NEK10: variants seen among roughly 807,000 people sequenced by gnomAD.
The protein encoded by NEK10 is NIMA related kinase 10.
A neutral mutation model predicts 159.8 loss-of-function variants in NEK10; 122 were observed. The observed-to-expected ratio is 0.76, with a 90% CI of 0.66 to 0.89. The LOEUF (loss-of-function observed/expected upper bound fraction) is 0.89, where lower values mean the gene tolerates loss of function less well. Among genes scored for constraint, NEK10 ranks in the 40% least tolerant of loss-of-function variants. The probability of loss-of-function intolerance (pLI) is 0.00; values close to 1 mark genes in which losing one functional copy is unlikely to be tolerated. For missense variants in NEK10, 1,342 were observed against 1,323.1 expected, an observed-to-expected ratio of 1.01 and a Z score of -0.22; for synonymous variants, 466 against 457.1, an observed-to-expected ratio of 1.02 and a Z score of -0.25.
chr3:27,356,250 C>A (rs1298759777), intron 1 of NEK10, among the ~76,000 whole-genome samples: 1 of 152,178 alleles, frequency 6.6e-6, no homozygotes, highest in South Asian at 2.1e-4. Flanking sequence ...AAGGCTCATA[C>A]CTGTATTCCT....
At chr3:27,155,253 C>T (rs1189894452) in intron 30 of NEK10, among the ~76,000 whole-genome samples, 5 of 152,088 alleles carry the variant, frequency 3.3e-5, no homozygotes, top group South Asian at 2.1e-4. Context: ...CCTGTAATCC[C>T]AGCAGTTTGG....
intron 23 of NEK10, among the ~76,000 whole-genome samples, chr3:27,234,176 C>A (rs1043614417): frequency 6.6e-6 from 1 of 152,022 alleles, no homozygotes; most frequent in Non-Finnish European, 1.5e-5. Context: ...ACTAAATGGG[C>A]AAAACCTGGA....
At chr3:27,113,422 C>T (rs970786687) in intron 35 of NEK10, among the ~76,000 whole-genome samples, 1 of 100,512 alleles carries the variant, frequency 9.9e-6, no homozygotes, top group African/African-American at 4.2e-5. Context: ...AGCAACATAA[C>T]GAGATTCCAT....
chr3:27,271,395 C>A (rs1039521546), intron 22 of NEK10, among the ~76,000 whole-genome samples: 7 of 152,038 alleles, frequency 4.6e-5, no homozygotes, highest in African/African-American at 1.7e-4. Flanking sequence ...TCAATATTCA[C>A]AACTTCAATA....
In NEK10 at chr3:27,345,971, G is replaced by GGT. The variant is rs56104872; in HGVS notation, c.263+114_263+115insAC. On this transcript the variant is annotated intron_variant, in intron 4 of 35. Transcript: ENST00000691995. The stretch of plus-strand genomic sequence containing the variant: ...AACTGAAAATATTAAATTAAGAATC[G>GGT]CTATGGTAAATTTTGAAGCGGGTTT... 2.4e-5 allele frequency: 22 copies of GGT among 901,760 alleles called. No individual in the cohort carries two copies. The East Asian group carries it at 3.6e-4, about 15-fold the overall frequency. 55.9% of individuals were successfully genotyped at this position (901,760 alleles called of 1,614,324 possible).
At chr3:27,177,614 A>G (rs1470523322) in intron 26 of NEK10, among the ~76,000 whole-genome samples, 1 of 152,084 alleles carries the variant, frequency 6.6e-6, no homozygotes, top group Non-Finnish European at 1.5e-5. Context: ...AAAAAAATTG[A>G]TATAATTTTT....
Position 27,109,827 on chromosome 3 carries a change from C to T in NEK10, c.*1445G>A, listed in dbSNP as rs1301859427. On this transcript the variant is annotated 3_prime_UTR_variant, in exon 36 of 36. Transcript: ENST00000691995. ...TCATTACTGTATTTGCATCTATTAT[C>T]TTACATTACAGTGTATCTGTAATTG... Among the ~76,000 whole-genome samples the T allele has an allele frequency of 5.3e-5, 8 of 152,204 alleles. No individual in the cohort carries two copies. The East Asian group carries it at 1.5e-3, about 29-fold the overall frequency.
chr3:27,299,188 A>G (rs2043604901), intron 13 of NEK10, among the ~76,000 whole-genome samples: 1 of 152,132 alleles, frequency 6.6e-6, no homozygotes, highest in African/African-American at 2.4e-5. Context: ...CATGGACTGG[A>G]CCCAGGGTCC....
chr3:27,127,473 G>A (rs1342279079), intron 32 of NEK10, among the ~76,000 whole-genome samples: 1 of 152,102 alleles, frequency 6.6e-6, no homozygotes, highest in Non-Finnish European at 1.5e-5. Flanking sequence ...CTGGCAATAG[G>A]AGCAATAGGA....
At chr3:27,171,754 C>T (rs1947005210) in intron 29 of NEK10, 65 bp downstream of exon 29, 3 of 1,530,274 alleles carry the variant, frequency 2.0e-6, no homozygotes, top group Non-Finnish European at 2.7e-6. Context: ...GGTTTCAATT[C>T]AGCTGAGTTA....
intron 20 of NEK10, among the ~76,000 whole-genome samples, chr3:27,285,607 T>G (rs1186204104): frequency 1.3e-5 from 2 of 152,046 alleles, no homozygotes; most frequent in Non-Finnish European, 2.9e-5. Context: ...ACTTCATGAC[T>G]GATTGTGTTT....
intron 29 of NEK10, 187 bp from the exon 30 acceptor site, chr3:27,162,925 C>T (rs553233877): frequency 6.1e-6 from 2 of 325,686 alleles, no homozygotes; most frequent in East Asian, 1.7e-4. Context: ...TGACATTCTA[C>T]TGACAAATGA....
chr3:27,273,159 G>A (rs767699224), intron 22 of NEK10, among the ~76,000 whole-genome samples: 40 of 152,130 alleles, frequency 2.6e-4, no homozygotes, highest in Non-Finnish European at 4.6e-4. Flanking sequence ...GAGGAACTGC[G>A]TGGCCAAATG....
At chr3:27,346,284 T>C (rs2047550307) in intron 3 of NEK10, 68 bp from the exon 4 acceptor site, 2 of 1,532,600 alleles carry the variant, frequency 1.3e-6, no homozygotes. Context: ...AGTAACAAAA[T>C]ATGGGGAGGA....
intron 23 of NEK10, among the ~76,000 whole-genome samples, chr3:27,210,383 T>A (rs553056133): frequency 6.6e-6 from 1 of 152,302 alleles, no homozygotes; most frequent in East Asian, 1.9e-4. Flanking sequence ...TGGATCCTCA[T>A]GATGCACTAG....
chr3:27,341,006 T>C (rs1473246630), intron 5 of NEK10, among the ~76,000 whole-genome samples: 1 of 152,064 alleles, frequency 6.6e-6, no homozygotes, highest in Non-Finnish European at 1.5e-5. Flanking sequence ...AAATGAAACA[T>C]TATTTGGCCA....
intron 23 of NEK10, among the ~76,000 whole-genome samples, chr3:27,242,145 G>A (rs1264448968): frequency 6.6e-6 from 1 of 152,166 alleles, no homozygotes; most frequent in Non-Finnish European, 1.5e-5. Context: ...CTAAAGCAAT[G>A]GGACTTTTGG....
intron 6 of NEK10, among the ~76,000 whole-genome samples, chr3:27,315,305 T>TG (rs1452674300): frequency 1.3e-5 from 2 of 152,002 alleles, no homozygotes; most frequent in African/African-American, 4.8e-5. Flanking sequence ...AGCCAGTGAG[T>TG]GGGCAGACTG....
In NEK10 at chr3:27,363,091, G is replaced by A. The variant is rs945843187; in HGVS notation, c.-38+6134C>T. ...CCCAGCCAGCTGTTACTCACACTTG[G>A]TCCTGAACTGCCACCACAGAGTTAC... is the stretch of plus-strand genomic sequence containing the variant. On this transcript the variant is annotated intron_variant, in intron 1 of 35. Coordinates refer to ENST00000691995, the MANE Select transcript of NEK10 (RefSeq NM_001394966.1). Among the ~76,000 whole-genome samples, 7 of 152,252 alleles carry A rather than the reference G, an allele frequency of 4.6e-5. No individual in the cohort carries two copies. The South Asian group carries it at 1.0e-3, about 23-fold the overall frequency.
Sources: gnomAD v4.1 joint callset for allele counts (sites outside exome capture counted in the v4.1 genomes callset) on GRCh38, gnomAD v4.1.1 for gene constraint, MANE v1.5 for transcripts, NCBI Gene and HGNC (gene_info 2026-07-23, HGNC 2026-07-21) for gene names.